HPSE2: variants seen among roughly 807,000 people sequenced by gnomAD.
The protein encoded by HPSE2 is heparanase 2 (inactive).
In HPSE2, 38 loss-of-function variants were observed where a neutral mutation model predicts 60.5. That is an observed-to-expected ratio of 0.63 (90% CI 0.48 to 0.82). HPSE2 has a LOEUF of 0.82. Ranked by LOEUF, HPSE2 falls within the 40% of genes least tolerant of loss-of-function variation. HPSE2 has a pLI of 0.00. For synonymous variants in HPSE2, 295 were observed against 293.2 expected, an observed-to-expected ratio of 1.01 and a Z score of -0.06; for missense variants, 713 against 740.4, an observed-to-expected ratio of 0.96 and a Z score of 0.43.
At chr10:98,600,551 A>G (rs1255897030) in intron 9 of HPSE2, among the ~76,000 whole-genome samples, 1 of 152,096 alleles carries the variant, frequency 6.6e-6, no homozygotes, top group African/African-American at 2.4e-5. Flanking sequence ...AAGTCTCTGC[A>G]CATCAGATTT....
Position 98,646,599 on chromosome 10 carries a change from A to G in HPSE2, c.1005-4659T>C, listed in dbSNP as rs528775003. Among the ~76,000 whole-genome samples the G allele has an allele frequency of 3.9e-5, 6 of 152,316 alleles. No individual in the cohort carries two copies. The East Asian group carries it at 5.8e-4, about 15-fold the overall frequency. On this transcript the variant is annotated intron_variant, in intron 6 of 11. Transcript: ENST00000370552. ...CACCCAATGCCAGCAATTCATTCCT[A>G]CCTCTAGATTGGCAGGTCATATCAA...
At chr10:99,284,861 C>T in the HPSE2 span, among the ~76,000 whole-genome samples, 4,242 of 152,024 alleles carry the variant, frequency 0.028, 197 homozygotes, top group African/African-American at 0.097. Context: ...AAATGTGATA[C>T]ATATATACCA....
At chr10:98,622,810 C>T (rs1428705239) in intron 7 of HPSE2, among the ~76,000 whole-genome samples, 1 of 152,142 alleles carries the variant, frequency 6.6e-6, no homozygotes, top group African/African-American at 2.4e-5. Context: ...GAGGATACCA[C>T]TAGGTAGTCC....
intron 4 of HPSE2, among the ~76,000 whole-genome samples, chr10:98,740,657 A>T (rs1949474827): frequency 6.6e-6 from 1 of 152,184 alleles, no homozygotes; most frequent in African/African-American, 2.4e-5. Context: ...ACAGAAACTT[A>T]TACTTTGTTT....
At chr10:98,810,151 CTA>C (rs1177222121) in intron 3 of HPSE2, among the ~76,000 whole-genome samples, 7 of 152,126 alleles carry the variant, frequency 4.6e-5, no homozygotes, top group African/African-American at 9.7e-5. Flanking sequence ...CTGCCTTTCA[CTA>C]TCTCTCCACC....
intron 3 of HPSE2, among the ~76,000 whole-genome samples, chr10:98,890,150 T>C (rs1436499126): frequency 2.6e-5 from 4 of 152,220 alleles, no homozygotes; most frequent in Non-Finnish European, 5.9e-5. Flanking sequence ...ACTAACAACC[T>C]GGCCCTTGGT....
chr10:99,035,134 T>G (rs770543756), intron 3 of HPSE2, among the ~76,000 whole-genome samples: 2 of 152,226 alleles, frequency 1.3e-5, no homozygotes, highest in Non-Finnish European at 2.9e-5. Flanking sequence ...TAGCTTTCTT[T>G]AACGTTTTTA....
At chr10:98,884,313 G>A (rs1451436082) in intron 3 of HPSE2, among the ~76,000 whole-genome samples, 5 of 152,122 alleles carry the variant, frequency 3.3e-5, no homozygotes. Context: ...TTCTCCAGAA[G>A]ATCTAGCCAA....
At chr10:98,957,251 G>A (rs1016860009) in intron 3 of HPSE2, among the ~76,000 whole-genome samples, 6 of 152,196 alleles carry the variant, frequency 3.9e-5, no homozygotes, top group African/African-American at 1.4e-4. Flanking sequence ...CTAGAGGGCA[G>A]GTGTGAGGAT....
At chr10:98,723,354 A>G (rs1251600190) in intron 4 of HPSE2, among the ~76,000 whole-genome samples, 2 of 149,484 alleles carry the variant, frequency 1.3e-5, no homozygotes, top group African/African-American at 4.9e-5. Context: ...TGTGTTGCTG[A>G]ATTCGGTTTG....
chr10:99,066,408 A>G (rs1395594783), intron 3 of HPSE2, among the ~76,000 whole-genome samples: 2 of 152,224 alleles, frequency 1.3e-5, no homozygotes, highest in Non-Finnish European at 2.9e-5. Context: ...AGAGAGGAAA[A>G]AAAATAAAGA....
At chr10:99,065,619 T>C (rs1201096056) in intron 3 of HPSE2, among the ~76,000 whole-genome samples, 2 of 152,226 alleles carry the variant, frequency 1.3e-5, no homozygotes, top group East Asian at 3.9e-4. Context: ...ATAATCACTA[T>C]GATAGAGTTA....
chr10:98,984,425 G>A (rs528138352), intron 3 of HPSE2, among the ~76,000 whole-genome samples: 13 of 152,340 alleles, frequency 8.5e-5, no homozygotes, highest in African/African-American at 2.9e-4. Context: ...AACTGCAGCT[G>A]AGGGTCCTGA....
chr10:98,555,793 C>T (rs1943991222), intron 9 of HPSE2, among the ~76,000 whole-genome samples: 3 of 152,156 alleles, frequency 2.0e-5, no homozygotes, highest in African/African-American at 7.2e-5. Flanking sequence ...AATTTGACAA[C>T]ACGAAAATAA....
chr10:99,246,885 T>C, the HPSE2 span, among the ~76,000 whole-genome samples: 2 of 152,250 alleles, frequency 1.3e-5, no homozygotes, highest in African/African-American at 4.8e-5. Context: ...ACTTTAGTAA[T>C]AGCTAAGGGT....
At chr10:99,098,974 T>G (rs201137888) in intron 3 of HPSE2, among the ~76,000 whole-genome samples, 1 of 152,204 alleles carries the variant, frequency 6.6e-6, no homozygotes, top group Non-Finnish European at 1.5e-5. Context: ...TCTCCTTTTT[T>G]TCAAAGCTTT....
At chr10:99,060,073 T>C (rs1248824063) in intron 3 of HPSE2, among the ~76,000 whole-genome samples, 1 of 151,266 alleles carries the variant, frequency 6.6e-6, no homozygotes, top group Non-Finnish European at 1.5e-5. Context: ...AATAAACCTA[T>C]GGATATAAAA....
rs117846625 is a variant in HPSE2, at chr10:99,072,443, C to A, written c.610+71795G>T. Among the ~76,000 whole-genome samples, 18 of 152,128 alleles carry A rather than the reference C, an allele frequency of 1.2e-4. No individual in the cohort carries two copies. The East Asian group carries it at 3.5e-3, about 29-fold the overall frequency. On this transcript the variant is annotated intron_variant, in intron 3 of 11. Coordinates refer to ENST00000370552, the MANE Select transcript of HPSE2 (RefSeq NM_021828.5). ...ATCTAGAATCAACAAGAAACTTAAA[C>A]AAATTTACATGAAAAAGAACAACCA...
chr10:98,629,609 G>C (rs781503576), intron 7 of HPSE2, among the ~76,000 whole-genome samples: 1 of 152,104 alleles, frequency 6.6e-6, no homozygotes, highest in Non-Finnish European at 1.5e-5. Context: ...CTTGTCATTT[G>C]TTCCTTGGTC....
Sources: allele counts gnomAD v4.1 joint callset (sites outside exome capture counted in the v4.1 genomes callset), GRCh38; gene constraint gnomAD v4.1.1; transcripts MANE v1.5; gene names NCBI Gene and HGNC (gene_info 2026-07-23, HGNC 2026-07-21).